Variants in POPDC2 observed in about 807,000 individuals in gnomAD.
POPDC2 encodes the protein popeye domain-containing protein 2.
A neutral mutation model predicts 30.5 loss-of-function variants in POPDC2; 24 were observed. The observed-to-expected ratio is 0.79, with a 90% CI of 0.57 to 1.11. The LOEUF is 1.11. Among genes scored for constraint, POPDC2 ranks in the 50% least tolerant of loss-of-function variants. The pLI, the probability that POPDC2 is intolerant of heterozygous loss-of-function variation, is 0.00. For missense variants in POPDC2, 409 were observed against 447.0 expected (o/e 0.91, Z 0.77); for synonymous variants, 185 against 183.3 (o/e 1.01, Z -0.07).
Position 119,648,560 on chromosome 3 carries a change from G to T in POPDC2, c.709C>A (p.Leu237Met). The T allele has an allele frequency of 6.2e-7, 1 of 1,613,720 alleles. No individual in the cohort carries two copies. Among genetic ancestry groups the T allele is most frequent in the Non-Finnish European group, 8.5e-7 (1 of 1,179,888 alleles). ...RYISCLFSAL[L>M]GYDISEKLYT... is the part of the protein sequence containing the mutation. ...AGCTTCTCTGAGATGTCATATCCCA[G>T]CAGAGCCGAGAAGAGGCAGGAGATG... Residue 237 changes from leucine (L) to methionine (M), a missense_variant, in exon 3 of 4, where the codon CTG becomes ATG. Physicochemically the swap from Leu to Met is conservative, Grantham distance 15. Coordinates refer to ENST00000493094, the MANE Select transcript of POPDC2 (RefSeq NM_001369919.2).
chr3:119,655,482 A>G (rs1465916875), intron 1 of POPDC2, among the ~76,000 whole-genome samples: 1 of 152,236 alleles, frequency 6.6e-6, no homozygotes, highest in Non-Finnish European at 1.5e-5. Flanking sequence ...ACATAGATCT[A>G]GAACGTTTCT....
At chr3:119,654,417 G>A (rs1279723212) in intron 2 of POPDC2, 88 bp downstream of exon 2, 1 of 901,096 alleles carries the variant, frequency 1.1e-6, no homozygotes, top group African/African-American at 1.6e-5. Flanking sequence ...GCGAAGGACA[G>A]ATGTAAGAGG....
rs1168599743 is a variant in POPDC2 at position 119,642,233 on chromosome 3, T to TA, written c.*371dup. 3.0e-6 allele frequency: 1 copy of TA among 329,456 alleles called. No individual in the cohort carries two copies. Among genetic ancestry groups the TA allele is most frequent in the Non-Finnish European group, 5.7e-6 (1 of 174,694 alleles). 20.4% of individuals were successfully genotyped at this position (329,456 alleles called of 1,614,324 possible). A position where few individuals can be genotyped will look rare whatever the true frequency, so the allele number is the denominator to read the frequency against. On this transcript the variant is annotated 3_prime_UTR_variant, in exon 4 of 4. Transcript: ENST00000493094. The stretch of plus-strand genomic sequence containing the variant: ...AACTTGCCCAAGATTCTGCAGCTGG[T>TA]AAAGGACGGAATCTGTGCCTCTGCA...
intron 2 of POPDC2, among the ~76,000 whole-genome samples, chr3:119,652,016 AT>A (rs2052817226): frequency 6.6e-6 from 1 of 151,938 alleles, no homozygotes; most frequent in Non-Finnish European, 1.5e-5. Context: ...GTTCTCCCAT[AT>A]ATATAGACAT....
At chr3:119,651,837 T>C (rs1302179604) in intron 2 of POPDC2, among the ~76,000 whole-genome samples, 1 of 152,194 alleles carries the variant, frequency 6.6e-6, no homozygotes, top group Non-Finnish European at 1.5e-5. Context: ...GGTTTCACCA[T>C]GTTGGCCAGG....
rs776308292 is a variant in POPDC2, at chr3:119,660,138, C to A, written c.286G>T (p.Val96Leu). ...VVCLLQLAHL[V>L]YRLREDTLPE... ...AGGGTGTCCTCACGCAGGCGGTATA[C>A]CAGGTGTGCCAGCTGGAGCAGGCAG... The change falls in exon 1 of 4, where the codon GTA becomes TTA. Residue 96 changes from valine to leucine, a missense_variant. Val to Leu is a conservative substitution (Grantham distance 32). Coordinates refer to ENST00000493094, the MANE Select transcript of POPDC2 (RefSeq NM_001369919.2). 6.2e-7 allele frequency: 1 copy of A among 1,614,096 alleles called. No homozygotes were observed. Among genetic ancestry groups the A allele is most frequent in the African/African-American group, 1.3e-5 (1 of 74,926 alleles).
chr3:119,657,767 GC>G (rs777835106), intron 1 of POPDC2, among the ~76,000 whole-genome samples: 17 of 152,178 alleles, frequency 1.1e-4, no homozygotes, highest in Non-Finnish European at 2.1e-4. Flanking sequence ...GGAATGCTGT[GC>G]CCTTTATCAT....
In POPDC2 at chr3:119,660,429, G is replaced by A. The variant is rs1366080439; in HGVS notation, c.-6C>T. The A allele has an allele frequency of 6.2e-7, 1 of 1,607,966 alleles. No homozygotes were observed. The highest frequency in any genetic ancestry group is 8.5e-7 in the Non-Finnish European group (1 of 1,176,190). ...CTGCTGCTGTTGGCGCTCATCTTTG[G>A]GGCCTCTCAAAGCCTCACTGGGCTC... On this transcript the variant is annotated 5_prime_UTR_variant, in exon 1 of 4. Transcript: ENST00000493094.
chr3:119,643,255 TA>T lies in POPDC2; in HGVS notation c.*44-695del, dbSNP rs1577165237. 5.7e-6 allele frequency: 4 copies of T among 706,262 alleles called. No homozygotes were observed. In the East Asian group the frequency reaches 1.1e-4, roughly 19 times the overall value. The allele number at this position is 706,262 out of a possible 1,614,324, so 43.7% of individuals were successfully genotyped here. Reference sequence around the variant, plus strand: ...GAAGAGCATGATGACAGTGTGACTCTAATCTGCCTCCTCCCAAACAGATGAA... The same window carrying T: ...GAAGAGCATGATGACAGTGTGACTCTATCTGCCTCCTCCCAAACAGATGAA... On this transcript the variant is annotated intron_variant, in intron 3 of 3. Transcript: ENST00000493094.
chr3:119,642,258 A>T lies in POPDC2; in HGVS notation c.*347T>A. The T allele has an allele frequency of 2.5e-6, 1 of 401,708 alleles. No individual in the cohort carries two copies. Among genetic ancestry groups the T allele is most frequent in the Non-Finnish European group, 4.6e-6 (1 of 217,386 alleles). 24.9% of individuals were successfully genotyped at this position (401,708 alleles called of 1,614,324 possible). The stretch of plus-strand genomic sequence containing the variant: ...TAAAGGACGGAATCTGTGCCTCTGC[A>T]CTACCAATGCCTGCTCCTGAAGGAA... On this transcript the variant is annotated 3_prime_UTR_variant, in exon 4 of 4. Coordinates refer to ENST00000493094, the MANE Select transcript of POPDC2 (RefSeq NM_001369919.2).
At position 119,642,387 on chromosome 3, in the gene POPDC2, G is replaced by C; in HGVS notation, c.*218C>G. 1.1e-6 allele frequency: 1 copy of C among 911,020 alleles called. No homozygotes were observed. Among genetic ancestry groups the C allele is most frequent in the Non-Finnish European group, 1.8e-6 (1 of 557,524 alleles). 56.4% of individuals were successfully genotyped at this position (911,020 alleles called of 1,614,324 possible). A position where few individuals can be genotyped will look rare whatever the true frequency, so the allele number is the denominator to read the frequency against. On this transcript the variant is annotated 3_prime_UTR_variant, in exon 4 of 4. Transcript: ENST00000493094. ...TCACCTTGCCTGTGAGCCTTCCAGT[G>C]GGTGGGAAAAGAGGCATGCCTATCA...
At chr3:119,652,604 A>G (rs1262704287) in intron 2 of POPDC2, among the ~76,000 whole-genome samples, 1 of 152,158 alleles carries the variant, frequency 6.6e-6, no homozygotes, top group Admixed American at 6.5e-5. Context: ...CGGCTTACCC[A>G]CCACCTGTTC....
At chr3:119,654,818 C>G in intron 1 of POPDC2, 1 of 530,368 alleles carries the variant, frequency 1.9e-6, no homozygotes, top group South Asian at 2.5e-5. Flanking sequence ...CTTCCAGAAC[C>G]CTCATTTTTC....
intron 3 of POPDC2, among the ~76,000 whole-genome samples, chr3:119,645,257 C>A (rs1355466001): frequency 6.7e-6 from 1 of 150,304 alleles, no homozygotes; most frequent in African/African-American, 2.5e-5. Flanking sequence ...GTGATCTCCT[C>A]TCTCATAAAA....
intron 3 of POPDC2, among the ~76,000 whole-genome samples, chr3:119,644,111 C>T (rs546607676): frequency 2.4e-4 from 37 of 152,248 alleles, no homozygotes; most frequent in African/African-American, 8.7e-4. Context: ...GGTACTATGT[C>T]CTGATCCTCC....
At position 119,660,437 on chromosome 3, in the gene POPDC2, C is replaced by T. The variant is rs2052930302; in HGVS notation, c.-14G>A. 5.6e-6 allele frequency: 9 copies of T among 1,604,212 alleles called. No homozygotes were observed. The highest frequency in any genetic ancestry group is 7.7e-6 in the Non-Finnish European group (9 of 1,174,312). On this transcript the variant is annotated 5_prime_UTR_variant, in exon 1 of 4. Transcript: ENST00000493094. ...GTTGGCGCTCATCTTTGGGGCCTCT[C>T]AAAGCCTCACTGGGCTCTAATACTG...
chr3:119,656,120 T>TA (rs2052876347), intron 1 of POPDC2, among the ~76,000 whole-genome samples: 1 of 152,178 alleles, frequency 6.6e-6, no homozygotes, highest in African/African-American at 2.4e-5. Context: ...AATTTTTTTT[T>TA]ATCACGTAAC....
chr3:119,648,636 G>C lies in POPDC2; in HGVS notation c.633C>G (p.Tyr211Ter). The change falls in exon 3 of 4, where the codon TAC becomes TAG. Residue 211 changes from tyrosine to a stop codon, truncating the protein, a stop_gained. Transcript: ENST00000493094. LOFTEE classifies it high-confidence loss of function. ...GGAGACTTTTCCGGGGCCAGGAAAT[G>C]TAGCTACATGAGGTCTCAGCAGTCA... ...VTLTAETSCS[Y>*]ISWPRKSLHL... 6.2e-7 allele frequency: 1 copy of C among 1,614,114 alleles called. No homozygotes were observed. Among genetic ancestry groups the C allele is most frequent in the Non-Finnish European group, 8.5e-7 (1 of 1,179,988 alleles).
intron 1 of POPDC2, 186 bp from the exon 2 acceptor site, chr3:119,654,799 C>T: frequency 1.8e-6 from 1 of 559,480 alleles, no homozygotes; most frequent in Non-Finnish European, 3.2e-6. Context: ...GAAAAGGAAC[C>T]CATTGAGACT....
Sources: gnomAD v4.1 joint callset for allele counts (sites outside exome capture counted in the v4.1 genomes callset) on GRCh38, gnomAD v4.1.1 for gene constraint, MANE v1.5 for transcripts, NCBI Gene and HGNC (gene_info 2026-07-23, HGNC 2026-07-21) for gene names.